PTPRT: variants seen among roughly 807,000 people sequenced by gnomAD.
The protein encoded by PTPRT is receptor-type tyrosine-protein phosphatase T.
Under a neutral mutation model 176.8 loss-of-function variants are expected in PTPRT, and 56 were observed. The ratio of observed to expected loss-of-function variants is 0.32; its 90% CI spans 0.26 to 0.40. The LOEUF (loss-of-function observed/expected upper bound fraction) is 0.40, where lower values mean the gene tolerates loss of function less well. PTPRT is among the 10% of genes least tolerant of loss of function. The pLI is 1.00. For synonymous variants in PTPRT, 783 were observed against 739.0 expected (o/e 1.06, Z -0.96); for missense variants, 1,540 against 1,908.2 (o/e 0.81, Z 3.60).
Position 42,469,554 on chromosome 20 carries a change from C to T in PTPRT, c.1450+2712G>A, listed in dbSNP as rs560030085. ...ACAAAGGCACTAAGAGGTTAAACAACTTGTCCAGGCATGCTTGGCTCCAGA... is the reference window on the plus strand; with the variant it reads ...ACAAAGGCACTAAGAGGTTAAACAATTTGTCCAGGCATGCTTGGCTCCAGA... On this transcript the variant is annotated intron_variant, in intron 8 of 30. Transcript: ENST00000373187. 2.0e-5 allele frequency among the ~76,000 whole-genome samples: 3 copies of T among 152,302 alleles called. No individual in the cohort carries two copies. The South Asian group carries it at 6.2e-4, about 32-fold the overall frequency.
intron 6 of PTPRT, among the ~76,000 whole-genome samples, chr20:42,690,763 C>T (rs1469888508): frequency 6.6e-6 from 1 of 152,142 alleles, no homozygotes; most frequent in East Asian, 1.9e-4. Context: ...ACAGAGGTTG[C>T]CTTGCAATCT....
chr20:42,151,072 T>G (rs1989107508), intron 17 of PTPRT, among the ~76,000 whole-genome samples: 2 of 152,142 alleles, frequency 1.3e-5, no homozygotes, highest in South Asian at 4.1e-4. Flanking sequence ...TTGAGCCTTT[T>G]TGGTCCACTT....
At chr20:42,939,393 A>G (rs967143272) in intron 1 of PTPRT, among the ~76,000 whole-genome samples, 5 of 152,180 alleles carry the variant, frequency 3.3e-5, no homozygotes, top group African/African-American at 1.2e-4. Context: ...CAGAAGTTGG[A>G]AAAGATGGAG....
At chr20:42,381,250 C>T (rs553563356) in intron 9 of PTPRT, among the ~76,000 whole-genome samples, 1 of 152,140 alleles carries the variant, frequency 6.6e-6, no homozygotes, top group Non-Finnish European at 1.5e-5. Context: ...TAGGGTGATA[C>T]TTTTGAGCCC....
In PTPRT at chr20:43,189,527, T is replaced by G. The variant is rs1301961516; in HGVS notation, c.88+119A>C. Reference sequence around the variant, plus strand: ...CAAGCTGAGACCCGGGTTCCGGCCATGGGGACCCGCGCCCCCGCGAGCCCA... The same window carrying G: ...CAAGCTGAGACCCGGGTTCCGGCCAGGGGGACCCGCGCCCCCGCGAGCCCA... On this transcript the variant is annotated intron_variant, in intron 1 of 30. Coordinates refer to ENST00000373187, the MANE Select transcript of PTPRT (RefSeq NM_007050.6). The surrounding 1 kb of genome is among the most constrained non-coding windows in gnomAD (Gnocchi z 5.0). 3.4e-6 allele frequency: 2 copies of G among 580,456 alleles called. No individual in the cohort carries two copies. Among genetic ancestry groups the G allele is most frequent in the East Asian group, 4.6e-5 (1 of 21,876 alleles). The allele number at this position is 580,456 out of a possible 1,614,324, so 36.0% of individuals were successfully genotyped here.
At chr20:42,714,064 G>C in intron 6 of PTPRT, among the ~76,000 whole-genome samples, 1 of 152,166 alleles carries the variant, frequency 6.6e-6, no homozygotes, top group South Asian at 2.1e-4. Flanking sequence ...GAAGTAAGCA[G>C]AACCAAGCTC....
intron 1 of PTPRT, among the ~76,000 whole-genome samples, chr20:42,900,238 G>A (rs1024208478): frequency 3.3e-5 from 5 of 152,144 alleles, no homozygotes; most frequent in Admixed American, 2.0e-4. Flanking sequence ...CTTGGCTCAA[G>A]CTAAGTTATA....
chr20:43,144,883 T>C (rs1231297074), intron 1 of PTPRT, among the ~76,000 whole-genome samples: 1 of 152,194 alleles, frequency 6.6e-6, no homozygotes, highest in African/African-American at 2.4e-5. Flanking sequence ...AATGCAGTCA[T>C]CAGTTACCCC....
At chr20:42,308,811 C>T (rs1488554699) in intron 12 of PTPRT, among the ~76,000 whole-genome samples, 1 of 152,184 alleles carries the variant, frequency 6.6e-6, no homozygotes, top group Non-Finnish European at 1.5e-5. Flanking sequence ...ATTTCTTTAA[C>T]AGTGGTTGGA....
At chr20:42,064,278 T>TA in the PTPRT span, among the ~76,000 whole-genome samples, 3 of 152,186 alleles carry the variant, frequency 2.0e-5, no homozygotes, top group South Asian at 6.2e-4. Context: ...AGTTACTTAC[T>TA]AAAAGACTCA....
intron 14 of PTPRT, 139 bp from the exon 15 acceptor site, chr20:42,236,397 G>A: frequency 1.4e-6 from 1 of 690,142 alleles, no homozygotes; most frequent in South Asian, 1.9e-5. Flanking sequence ...CTAAGCTCAA[G>A]GAGATGCAAG....
At chr20:42,087,398 T>C (rs1834692738) in intron 27 of PTPRT, among the ~76,000 whole-genome samples, 1 of 149,274 alleles carries the variant, frequency 6.7e-6, no homozygotes, top group Admixed American at 6.7e-5. Context: ...ACCCGGCTAT[T>C]TTATTTTTTT....
At chr20:42,201,730 C>CAAAAAAAAAAAAAAAAAA (rs57007206) in intron 15 of PTPRT, among the ~76,000 whole-genome samples, 1 of 74,060 alleles carries the variant, frequency 1.4e-5, no homozygotes, top group Non-Finnish European at 2.5e-5. Context: ...GAACCAGAGG[C>CAAAAAAAAAAAAAAAAAA]AAAAAAAAAA....
intron 7 of PTPRT, among the ~76,000 whole-genome samples, chr20:42,542,143 G>T (rs1269769532): frequency 6.6e-6 from 1 of 151,936 alleles, no homozygotes; most frequent in Non-Finnish European, 1.5e-5. Flanking sequence ...TGATTGTGAG[G>T]TCTCCCAAGC....
intron 24 of PTPRT, among the ~76,000 whole-genome samples, chr20:42,105,576 G>T (rs1421550098): frequency 6.6e-6 from 1 of 152,182 alleles, no homozygotes; most frequent in East Asian, 1.9e-4. Flanking sequence ...AACTTGGTCA[G>T]TTTCTCTATA....
intron 14 of PTPRT, among the ~76,000 whole-genome samples, chr20:42,247,243 T>C (rs2056467795): frequency 6.6e-6 from 1 of 152,052 alleles, no homozygotes. Context: ...GTCCTCACAG[T>C]TTAATGCCCT....
chr20:42,961,888 T>G (rs140086677), intron 1 of PTPRT, among the ~76,000 whole-genome samples: 1 of 151,184 alleles, frequency 6.6e-6, no homozygotes, highest in Admixed American at 6.6e-5. Flanking sequence ...GGCGGGAGGG[T>G]CAGAGAAGGA....
intron 4 of PTPRT, among the ~76,000 whole-genome samples, chr20:42,778,823 A>G (rs1254007566): frequency 2.0e-5 from 3 of 152,218 alleles, no homozygotes; most frequent in African/African-American, 7.2e-5. Context: ...GATCCTCTTC[A>G]CATGAAGTCT....
chr20:42,595,022 A>G (rs2145770901), intron 7 of PTPRT, among the ~76,000 whole-genome samples: 1 of 152,260 alleles, frequency 6.6e-6, no homozygotes, highest in African/African-American at 2.4e-5. Flanking sequence ...TTTCAGGACA[A>G]GTAATGTTGG....
Sources: gnomAD v4.1 joint callset for allele counts (sites outside exome capture counted in the v4.1 genomes callset) on GRCh38, gnomAD v4.1.1 for gene constraint, Gnocchi (gnomAD v3.1) non-coding constraint, MANE v1.5 for transcripts, NCBI Gene and HGNC (gene_info 2026-07-23, HGNC 2026-07-21) for gene names.